SMAD2: variants seen among roughly 807,000 people sequenced by gnomAD.
The protein encoded by SMAD2 is SMAD family member 2.
Under a neutral mutation model 64.4 loss-of-function variants are expected in SMAD2, and 8 were observed. The observed-to-expected ratio is 0.12, with a 90% CI of 0.07 to 0.22. The LOEUF is 0.22. SMAD2 is among the 10% of genes least tolerant of loss of function. The pLI, the probability that SMAD2 is intolerant of heterozygous loss-of-function variation, is 1.00. For missense variants in SMAD2, 289 were observed against 561.2 expected (o/e 0.51, Z 4.90); for synonymous variants, 203 against 195.8 (o/e 1.04, Z -0.31).
intron 2 of SMAD2, among the ~76,000 whole-genome samples, chr18:47,886,611 A>ATCTATCTATCTG (rs1359291390): frequency 5.3e-5 from 8 of 151,896 alleles, no homozygotes; most frequent in African/African-American, 1.7e-4. Context: ...CTATCTATCT[A>ATCTATCTATCTG]TCTAACCATA....
intron 1 of SMAD2, among the ~76,000 whole-genome samples, chr18:47,918,733 C>CGTAGCTTG (rs138243026): frequency 1.1e-5 from 1 of 93,980 alleles, no homozygotes; most frequent in Non-Finnish European, 2.2e-5. Context: ...ACAGCTCTTG[C>CGTAGCTTG]ATAGCTTGAC....
rs1949094209 is a variant in SMAD2 at position 47,831,922 on chromosome 18, T to C, written c.*9905A>G. On this transcript the variant is annotated 3_prime_UTR_variant, in exon 11 of 11. Transcript: ENST00000262160. ...TATAATTTTTAGGTTGGGCTTACTA[T>C]TTTGATGAGAAGGGTGAATCTGTCA... 1 of 152,192 alleles carries C rather than the reference T, an allele frequency of 6.6e-6. No homozygotes were observed. Among genetic ancestry groups the C allele is most frequent in the African/African-American group, 2.4e-5 (1 of 41,450 alleles). 9.4% of individuals were successfully genotyped at this position (152,192 alleles called of 1,614,324 possible).
intron 2 of SMAD2, among the ~76,000 whole-genome samples, chr18:47,881,585 GT>G (rs1451768285): frequency 6.6e-6 from 1 of 152,004 alleles, no homozygotes; most frequent in East Asian, 1.9e-4. Flanking sequence ...TTTATATTTT[GT>G]TTTCCTGACT....
At position 47,813,184 on chromosome 18, in the gene SMAD2, C is replaced by G. The variant is rs931129210; in HGVS notation, c.*28643G>C. 1.3e-5 allele frequency: 2 copies of G among 152,010 alleles called. No individual in the cohort carries two copies. Among genetic ancestry groups the G allele is most frequent in the Admixed American group, 6.6e-5 (1 of 15,264 alleles). The allele number at this position is 152,010 out of a possible 1,614,324, so 9.4% of individuals were successfully genotyped here. On this transcript the variant is annotated 3_prime_UTR_variant, in exon 11 of 11. Transcript: ENST00000262160. Reference sequence around the variant, plus strand: ...TGAGTCAAGACTGTGCCATTGCACTCCAGCCTGAGTGATGAAACTTGGTCT... The same window carrying G: ...TGAGTCAAGACTGTGCCATTGCACTGCAGCCTGAGTGATGAAACTTGGTCT...
intron 2 of SMAD2, among the ~76,000 whole-genome samples, chr18:47,888,565 C>T (rs2033030507): frequency 6.6e-6 from 1 of 152,154 alleles, no homozygotes; most frequent in Admixed American, 6.5e-5. Flanking sequence ...CAATCAAAAT[C>T]CCTGGAGCGC....
chr18:47,859,365 T>C (rs570896211), intron 6 of SMAD2, among the ~76,000 whole-genome samples: 12 of 152,296 alleles, frequency 7.9e-5, no homozygotes, highest in Middle Eastern at 3.4e-3. Context: ...AACACTATAG[T>C]ATATACATTC....
Position 47,829,593 on chromosome 18 carries a change from A to C in SMAD2, c.*12234T>G, listed in dbSNP as rs1281844117. The C allele has an allele frequency of 1.4e-5, 2 of 145,796 alleles. No homozygotes were observed. The highest frequency in any genetic ancestry group is 2.6e-5 in the African/African-American group (1 of 39,104). 9.0% of individuals were successfully genotyped at this position (145,796 alleles called of 1,614,324 possible). The stretch of plus-strand genomic sequence containing the variant: ...GTAATCAATTAGGTATTCTAAAAGA[A>C]GGCAGTTTTCTAGGGGTTTATTTAA... On this transcript the variant is annotated 3_prime_UTR_variant, in exon 11 of 11. Transcript: ENST00000262160.
At chr18:47,876,214 C>A (rs897328162) in intron 2 of SMAD2, among the ~76,000 whole-genome samples, 4 of 151,982 alleles carry the variant, frequency 2.6e-5, no homozygotes, top group African/African-American at 9.7e-5. Flanking sequence ...ATTTATTTGA[C>A]CATCTAACTT....
At position 47,851,326 on chromosome 18, in the gene SMAD2, G is replaced by C. The variant is rs750441312; in HGVS notation, c.732C>G (p.Gly244=). The change falls in exon 7 of 11, where the codon GGC becomes GGG. Residue 244 remains glycine, a splice_region_variant and synonymous_variant. Coordinates refer to ENST00000262160, the MANE Select transcript of SMAD2 (RefSeq NM_005901.6). ...DQQLNQSMDT[G]SPAELSPTTL... is the part of the protein sequence containing the mutation. ...TAGTAGGAGATAGTTCTGCTGGAGA[G>C]CCTAAAACAAAAGGATTTAAAAATA... The C allele has an allele frequency of 6.2e-7, 1 of 1,604,894 alleles. No individual in the cohort carries two copies. Among genetic ancestry groups the C allele is most frequent in the Non-Finnish European group, 8.5e-7 (1 of 1,172,130 alleles).
intron 1 of SMAD2, among the ~76,000 whole-genome samples, chr18:47,924,978 CA>C (rs1326116472): frequency 4.6e-5 from 7 of 152,204 alleles, no homozygotes; most frequent in Non-Finnish European, 8.8e-5. Flanking sequence ...TTAAGAGACT[CA>C]AACTAATGAA....
At chr18:47,851,396 G>T in intron 6 of SMAD2, 69 bp from the exon 7 acceptor site, 1 of 956,476 alleles carries the variant, frequency 1.0e-6, no homozygotes, top group Non-Finnish European at 1.7e-6. Context: ...CATAAAACTA[G>T]CTTTATCTGG....
At chr18:47,859,856 A>C (rs957882726) in intron 6 of SMAD2, among the ~76,000 whole-genome samples, 2 of 152,238 alleles carry the variant, frequency 1.3e-5, no homozygotes, top group Non-Finnish European at 2.9e-5. Flanking sequence ...TCAAATTACT[A>C]ACATTATAAA....
Position 47,880,602 on chromosome 18 carries a change from T to C in SMAD2, c.237-10038A>G, listed in dbSNP as rs146419013. On this transcript the variant is annotated intron_variant, in intron 2 of 10. Transcript: ENST00000262160. ...TTCACAAGTGTATCCATCAGTTTAC[T>C]GCATGGTAATTCCAACATGTAGGTC... is the stretch of plus-strand genomic sequence containing the variant. Among the ~76,000 whole-genome samples the C allele has an allele frequency of 4.5e-3, 680 of 152,352 alleles. 5 individuals are homozygous for C. Among genetic ancestry groups the C allele is most frequent in the African/African-American group, 0.016 (650 of 41,582 alleles).
In SMAD2 at chr18:47,815,488, T is replaced by A. The variant is rs893083192; in HGVS notation, c.*26339A>T. 6.6e-6 allele frequency: 1 copy of A among 152,244 alleles called. No homozygotes were observed. The highest frequency in any genetic ancestry group is 1.5e-5 in the Non-Finnish European group (1 of 68,040). 9.4% of individuals were successfully genotyped at this position (152,244 alleles called of 1,614,324 possible). A position where few individuals can be genotyped will look rare whatever the true frequency, so the allele number is the denominator to read the frequency against. On this transcript the variant is annotated 3_prime_UTR_variant, in exon 11 of 11. Coordinates refer to ENST00000262160, the MANE Select transcript of SMAD2 (RefSeq NM_005901.6). The stretch of plus-strand genomic sequence containing the variant: ...GAAAATGCAGATCCCAGTGCTCCAA[T>A]TCCAGACCTGCTAAAGCAGAATCTC...
rs2144377842 is a variant in SMAD2 at position 47,869,279 on chromosome 18, C to T, written c.484G>A (p.Val162Ile). ...ACTCTCTGATAGTGGTAAGGGTTTACACATACTTCATCCTTTTTAAGATTA... is the reference window on the plus strand; with the variant it reads ...ACTCTCTGATAGTGGTAAGGGTTTATACATACTTCATCCTTTTTAAGATTA... ...AFNLKKDEVCVNPYHYQRVET... is the reference protein window; with the variant it reads ...AFNLKKDEVCINPYHYQRVET... Residue 162 changes from valine to isoleucine, a missense_variant, in exon 4 of 11, where the codon GTA becomes ATA. Val to Ile is a conservative substitution (Grantham distance 29, BLOSUM62 3). Coordinates refer to ENST00000262160, the MANE Select transcript of SMAD2 (RefSeq NM_005901.6). 6.2e-7 allele frequency: 1 copy of T among 1,613,414 alleles called. No individual in the cohort carries two copies.
chr18:47,855,892 C>T (rs756187778), intron 6 of SMAD2, among the ~76,000 whole-genome samples: 1 of 152,116 alleles, frequency 6.6e-6, no homozygotes, highest in Non-Finnish European at 1.5e-5. Context: ...ATGAAGACTC[C>T]CTTGTTATGT....
At chr18:47,891,873 C>CT (rs1283391509) in intron 2 of SMAD2, among the ~76,000 whole-genome samples, 1 of 151,878 alleles carries the variant, frequency 6.6e-6, no homozygotes, top group Non-Finnish European at 1.5e-5. Context: ...ATTGTGCTGA[C>CT]TATAAAAGTG....
rs752452014 is a variant in SMAD2, at chr18:47,869,451, G to A, written c.327-15C>T. 1.9e-6 allele frequency: 3 copies of A among 1,581,538 alleles called. No individual in the cohort carries two copies. Among genetic ancestry groups the A allele is most frequent in the Non-Finnish European group, 2.6e-6 (3 of 1,161,838 alleles). On this transcript the variant is annotated splice_polypyrimidine_tract_variant and intron_variant, in intron 3 of 10. Transcript: ENST00000262160. ...CATCAAGAGACCTGTTGGGAAGCAA[G>A]GGGAAAAGAAAGGAGGGAACTTTAA...
chr18:47,870,424 T>C (rs2144383420), intron 3 of SMAD2, 51 bp downstream of exon 3: 1 of 1,347,170 alleles, frequency 7.4e-7, no homozygotes, highest in Non-Finnish European at 1.1e-6. Flanking sequence ...TTTCAAAATA[T>C]ACCCCCCTCC....
Sources: gnomAD v4.1 joint callset for allele counts (sites outside exome capture counted in the v4.1 genomes callset) on GRCh38, gnomAD v4.1.1 for gene constraint, MANE v1.5 for transcripts, NCBI Gene and HGNC (gene_info 2026-07-23, HGNC 2026-07-21) for gene names.